The following CDKAL1 variants were observed in gnomAD, a reference collection of about 807,000 sequenced individuals.
CDKAL1 encodes the protein CDKAL1 threonylcarbamoyladenosine tRNA methylthiotransferase, also known as threonylcarbamoyladenosine tRNA methylthiotransferase.
A neutral mutation model predicts 68.2 loss-of-function variants in CDKAL1; 32 were observed. The ratio of observed to expected loss-of-function variants is 0.47; its 90% CI spans 0.35 to 0.63. The LOEUF (loss-of-function observed/expected upper bound fraction) is 0.63, where lower values mean the gene tolerates loss of function less well. Ranked by LOEUF, CDKAL1 falls within the 30% of genes least tolerant of loss-of-function variation. CDKAL1 has a pLI of 0.00. For missense variants in CDKAL1, 606 were observed against 696.7 expected (o/e 0.87, Z 1.47); for synonymous variants, 234 against 244.3 (o/e 0.96, Z 0.39).
intron 12 of CDKAL1, among the ~76,000 whole-genome samples, chr6:21,102,437 C>T (rs1432454799): frequency 6.6e-6 from 1 of 152,140 alleles, no homozygotes; most frequent in Non-Finnish European, 1.5e-5. Context: ...TTCACTTACT[C>T]AGTGTTTACT....
rs576671629 is a variant in CDKAL1, at chr6:20,706,613, T to C, written c.372-32906T>C. On this transcript the variant is annotated intron_variant, in intron 5 of 15. Transcript: ENST00000274695. The stretch of plus-strand genomic sequence containing the variant: ...ACTAGGGAGATGGAATACCATCAAA[T>C]ATATAACTACACTTAAATATATCTG... Among the ~76,000 whole-genome samples the C allele has an allele frequency of 3.9e-5, 6 of 152,354 alleles. No individual in the cohort carries two copies. In the South Asian group the frequency reaches 1.2e-3, roughly 32 times the overall value.
At chr6:20,744,526 T>C (rs1250235148) in intron 6 of CDKAL1, among the ~76,000 whole-genome samples, 1 of 152,132 alleles carries the variant, frequency 6.6e-6, no homozygotes, top group Admixed American at 6.5e-5. Context: ...GAATTCTGGT[T>C]TGAGTCCAGA....
chr6:21,161,524 A>C (rs1776925555), intron 13 of CDKAL1, among the ~76,000 whole-genome samples: 1 of 152,190 alleles, frequency 6.6e-6, no homozygotes, highest in African/African-American at 2.4e-5. Context: ...TTTTAAGATA[A>C]AGAACTTTTT....
At chr6:21,184,967 A>C (rs1777950259) in intron 13 of CDKAL1, among the ~76,000 whole-genome samples, 1 of 151,742 alleles carries the variant, frequency 6.6e-6, no homozygotes, top group Non-Finnish European at 1.5e-5. Context: ...TACCCAGCCT[A>C]AGATTTGAAT....
At chr6:20,884,984 T>A (rs570744200) in intron 9 of CDKAL1, among the ~76,000 whole-genome samples, 9 of 151,738 alleles carry the variant, frequency 5.9e-5, no homozygotes, top group African/African-American at 2.2e-4. Context: ...AAAAAAGTGA[T>A]AAATTATGAA....
intron 9 of CDKAL1, among the ~76,000 whole-genome samples, chr6:20,932,574 A>T (rs1763515600): frequency 6.6e-6 from 1 of 152,190 alleles, no homozygotes; most frequent in African/African-American, 2.4e-5. Flanking sequence ...ATTTCTGTTA[A>T]TTGAGTTGAG....
At chr6:20,602,346 C>T (rs1165753857) in intron 4 of CDKAL1, among the ~76,000 whole-genome samples, 4 of 152,072 alleles carry the variant, frequency 2.6e-5, no homozygotes, top group African/African-American at 9.7e-5. Context: ...TAAGTTTTTT[C>T]CCTCTTTTTC....
chr6:20,566,266 A>G lies in CDKAL1; in HGVS notation c.286+17561A>G, dbSNP rs763800604. ...CTGGTTCCTTTAGATGCCTTGTAAT[A>G]ATGTGCTAATTTATGCTGATGATCT... On this transcript the variant is annotated intron_variant, in intron 4 of 15. Transcript: ENST00000274695. 2.6e-5 allele frequency among the ~76,000 whole-genome samples: 4 copies of G among 152,196 alleles called. No homozygotes were observed. The South Asian group carries it at 6.2e-4, about 24-fold the overall frequency.
chr6:20,764,564 G>A (rs1191861052), intron 7 of CDKAL1, among the ~76,000 whole-genome samples: 1 of 152,114 alleles, frequency 6.6e-6, no homozygotes, highest in Non-Finnish European at 1.5e-5. Context: ...TTTGCATGTG[G>A]TACTTATTTA....
intron 5 of CDKAL1, among the ~76,000 whole-genome samples, chr6:20,694,332 T>G (rs1047644165): frequency 1.3e-5 from 2 of 152,148 alleles, no homozygotes; most frequent in Admixed American, 6.5e-5. Context: ...CATGAGCCAC[T>G]GTGCCTGGCC....
At chr6:21,208,634 G>A (rs1779030821) in intron 15 of CDKAL1, among the ~76,000 whole-genome samples, 1 of 151,398 alleles carries the variant, frequency 6.6e-6, no homozygotes, top group African/African-American at 2.4e-5. Context: ...TAAACTTTAT[G>A]TGAGACTAAA....
chr6:20,874,750 A>T (rs1343539828), intron 9 of CDKAL1, among the ~76,000 whole-genome samples: 1 of 151,816 alleles, frequency 6.6e-6, no homozygotes, highest in Non-Finnish European at 1.5e-5. Context: ...TGATCCGCCT[A>T]CCTTGGCCTC....
intron 9 of CDKAL1, among the ~76,000 whole-genome samples, chr6:20,900,693 A>G (rs573826078): frequency 1.8e-4 from 28 of 152,334 alleles, no homozygotes; most frequent in African/African-American, 5.3e-4. Context: ...TTTTCATGCA[A>G]TCACCTTGTT....
Position 20,553,888 on chromosome 6 carries a change from A to G in CDKAL1, c.286+5183A>G, listed in dbSNP as rs537091630. 2.6e-4 allele frequency among the ~76,000 whole-genome samples: 39 copies of G among 150,012 alleles called. 1 individual carries two copies. In the East Asian group the frequency reaches 7.5e-3, roughly 29 times the overall value. On this transcript the variant is annotated intron_variant, in intron 4 of 15. Coordinates refer to ENST00000274695, the MANE Select transcript of CDKAL1 (RefSeq NM_017774.3). ...TGGCCTCCCAAAGCGCTGGGATTAC[A>G]GGCATGAGCCACCGTGCTCGGCCAG... is the stretch of plus-strand genomic sequence containing the variant.
intron 5 of CDKAL1, among the ~76,000 whole-genome samples, chr6:20,689,227 T>C (rs1218110855): frequency 6.6e-6 from 1 of 152,196 alleles, no homozygotes; most frequent in Non-Finnish European, 1.5e-5. Flanking sequence ...CAGGTCAAGC[T>C]CCTGGAGGTA....
intron 13 of CDKAL1, among the ~76,000 whole-genome samples, chr6:21,147,538 G>C (rs1352202322): frequency 6.6e-6 from 1 of 152,152 alleles, no homozygotes; most frequent in Non-Finnish European, 1.5e-5. Flanking sequence ...CAAGAGCCTT[G>C]ATAGTGATCA....
chr6:21,164,617 A>C (rs148100775), intron 13 of CDKAL1, among the ~76,000 whole-genome samples: 21 of 152,326 alleles, frequency 1.4e-4, no homozygotes, highest in African/African-American at 4.8e-4. Flanking sequence ...CATGATGGTC[A>C]AGTGTAAACT....
intron 2 of CDKAL1, among the ~76,000 whole-genome samples, chr6:20,543,929 G>A (rs1016951007): frequency 7.9e-5 from 12 of 151,584 alleles, no homozygotes; most frequent in Non-Finnish European, 1.8e-4. Context: ...GTAGAGACGC[G>A]GTGTCACCAT....
rs761320010 is a variant in CDKAL1 at position 20,648,074 on chromosome 6, C to CA, written c.287-1205dup. Among the ~76,000 whole-genome samples, 426 of 84,908 alleles carry CA rather than the reference C, an allele frequency of 5.0e-3. 1 individual carries two copies. The highest frequency in any genetic ancestry group is 0.033 in the South Asian group (87 of 2,676). The allele number at this position is 84,908 out of a possible 152,430, so 55.7% of individuals were successfully genotyped here. On this transcript the variant is annotated intron_variant, in intron 4 of 15. Coordinates refer to ENST00000274695, the MANE Select transcript of CDKAL1 (RefSeq NM_017774.3). ...TGGGTGACAGAGCGAGACTCTGTCT[C>CA]AAAAAAAAAAAAAATATTTTTTTTT...
Sources: gnomAD v4.1 joint callset for allele counts (sites outside exome capture counted in the v4.1 genomes callset) on GRCh38, gnomAD v4.1.1 for gene constraint, MANE v1.5 for transcripts, NCBI Gene and HGNC (gene_info 2026-07-23, HGNC 2026-07-21) for gene names.